Variants in SP140L observed in about 807,000 individuals in gnomAD.
The protein encoded by SP140L is nuclear body protein SP140-like protein.
SP140L carries 64 observed loss-of-function variants against 84.3 expected under a neutral mutation model. That is an observed-to-expected ratio of 0.76 (90% CI 0.62 to 0.94). SP140L has a LOEUF of 0.94. SP140L is among the 40% of genes least tolerant of loss of function. The pLI is 0.00. For missense variants in SP140L, 628 were observed against 692.5 expected (o/e 0.91, Z 1.05); for synonymous variants, 242 against 236.9 (o/e 1.02, Z -0.20).
chr2:230,369,623 AG>A (rs1575492428), intron 5 of SP140L, among the ~76,000 whole-genome samples: 1 of 152,292 alleles, frequency 6.6e-6, no homozygotes, highest in East Asian at 1.9e-4. Flanking sequence ...GGCTTTCTGG[AG>A]GGGGCTGCGG....
intron 11 of SP140L, 195 bp from the exon 12 acceptor site, chr2:230,391,892 C>T (rs1279575648): frequency 1.6e-6 from 1 of 628,828 alleles, no homozygotes; most frequent in Non-Finnish European, 2.7e-6. Context: ...ACATGTGCAC[C>T]CCCACCAGGA....
chr2:230,396,724 T>C (rs1030998825), intron 13 of SP140L, 33 bp from the exon 14 acceptor site: 4 of 1,609,402 alleles, frequency 2.5e-6, no homozygotes, highest in Non-Finnish European at 3.4e-6. Context: ...ATGCATTCAA[T>C]ATCATAAATC....
At chr2:230,374,257 A>T (rs2061174338) in intron 7 of SP140L, among the ~76,000 whole-genome samples, 1 of 151,622 alleles carries the variant, frequency 6.6e-6, no homozygotes, top group African/African-American at 2.4e-5. Context: ...CAGAGGTTGC[A>T]CTGAGCAGAG....
chr2:230,372,032 G>C (rs920901253), intron 7 of SP140L: 3 of 213,746 alleles, frequency 1.4e-5, no homozygotes, highest in Admixed American at 5.4e-5. Flanking sequence ...ATGGAAGAGG[G>C]AACCAAGGAA....
At chr2:230,369,947 T>C (rs374567549) in intron 5 of SP140L, among the ~76,000 whole-genome samples, 3 of 148,392 alleles carry the variant, frequency 2.0e-5, no homozygotes, top group African/African-American at 7.9e-5. Context: ...CTAATTTTTG[T>C]ATTTTTAGTA....
chr2:230,348,878 A>G (rs1024674989), intron 2 of SP140L, among the ~76,000 whole-genome samples: 1 of 152,218 alleles, frequency 6.6e-6, no homozygotes, highest in Non-Finnish European at 1.5e-5. Context: ...AATTTGGGGA[A>G]CCCAGTGAAA....
intron 2 of SP140L, among the ~76,000 whole-genome samples, chr2:230,346,448 C>T (rs1432487312): frequency 6.6e-6 from 1 of 152,138 alleles, no homozygotes; most frequent in African/African-American, 2.4e-5. Flanking sequence ...AGTTTTTAGT[C>T]ATTACTTCTT....
At chr2:230,351,893 C>T (rs776046075) in intron 2 of SP140L, among the ~76,000 whole-genome samples, 3 of 152,166 alleles carry the variant, frequency 2.0e-5, no homozygotes, top group South Asian at 4.1e-4. Flanking sequence ...GTGATCCACC[C>T]GCGCCAGCGT....
chr2:230,364,998 T>C (rs746693524), intron 5 of SP140L, among the ~76,000 whole-genome samples: 2 of 152,108 alleles, frequency 1.3e-5, no homozygotes, highest in Non-Finnish European at 2.9e-5. Flanking sequence ...TACTTGATCA[T>C]GGTGAGTGTG....
intron 7 of SP140L, among the ~76,000 whole-genome samples, chr2:230,379,150 G>A (rs1045995568): frequency 1.3e-5 from 2 of 151,968 alleles, no homozygotes; most frequent in Non-Finnish European, 2.9e-5. Context: ...TCTTGTAACA[G>A]CACTTAGCTT....
At chr2:230,376,543 T>C (rs955309602) in intron 7 of SP140L, among the ~76,000 whole-genome samples, 2 of 152,078 alleles carry the variant, frequency 1.3e-5, no homozygotes, top group African/African-American at 2.4e-5. Context: ...ATTTGCACAC[T>C]GACAACTATG....
intron 5 of SP140L, among the ~76,000 whole-genome samples, chr2:230,362,007 T>C (rs1160666084): frequency 1.3e-5 from 2 of 152,202 alleles, no homozygotes; most frequent in African/African-American, 2.4e-5. Flanking sequence ...GGGAGGTCAG[T>C]ATGAAGCTGT....
chr2:230,371,274 A>G (rs2061060340), intron 6 of SP140L, among the ~76,000 whole-genome samples: 1 of 152,230 alleles, frequency 6.6e-6, no homozygotes, highest in Admixed American at 6.5e-5. Flanking sequence ...TAACCCAGTG[A>G]ACTTCTGCTA....
At chr2:230,386,801 C>T (rs6713447) in intron 9 of SP140L, among the ~76,000 whole-genome samples, 41,565 of 152,052 alleles carry the variant, frequency 0.27, 6,130 homozygotes, top group Non-Finnish European at 0.32. Flanking sequence ...AAGATGTAAC[C>T]AGACAGAAAC....
At position 230,344,619 on chromosome 2, in the gene SP140L, C is replaced by T. The variant is rs139977822; in HGVS notation, c.108-13186C>T. Among the ~76,000 whole-genome samples, 59 of 152,202 alleles carry T rather than the reference C, an allele frequency of 3.9e-4. No homozygotes were observed. The East Asian group carries it at 4.4e-3, about 11-fold the overall frequency. On this transcript the variant is annotated intron_variant, in intron 2 of 18. Coordinates refer to ENST00000415673, the MANE Select transcript of SP140L (RefSeq NM_138402.6). ...ATGTGGTTGCTTCATAGTGTCACTGCGCTGTGTACTTCAGTGTGTTTTTGT... is the reference window on the plus strand; with the variant it reads ...ATGTGGTTGCTTCATAGTGTCACTGTGCTGTGTACTTCAGTGTGTTTTTGT...
At chr2:230,365,492 C>T (rs2060838750) in intron 5 of SP140L, among the ~76,000 whole-genome samples, 1 of 151,716 alleles carries the variant, frequency 6.6e-6, no homozygotes, top group Non-Finnish European at 1.5e-5. Context: ...AGCGTCTTCT[C>T]TTTTATTTCT....
intron 2 of SP140L, among the ~76,000 whole-genome samples, chr2:230,354,145 T>C (rs796763414): frequency 2.1e-4 from 32 of 152,298 alleles, no homozygotes; most frequent in African/African-American, 7.5e-4. Flanking sequence ...CTTTTTCCTC[T>C]TTTTCCTTAC....
chr2:230,348,156 C>T (rs561111627), intron 2 of SP140L, among the ~76,000 whole-genome samples: 2 of 152,314 alleles, frequency 1.3e-5, no homozygotes, highest in South Asian at 4.1e-4. Flanking sequence ...CTTTGCCAGC[C>T]TTGGGGAGGA....
chr2:230,327,488 C>T (rs764050555), intron 1 of SP140L, among the ~76,000 whole-genome samples, 187 bp downstream of exon 1: 5 of 152,184 alleles, frequency 3.3e-5, no homozygotes, highest in Non-Finnish European at 7.3e-5. Flanking sequence ...TGCAGCAGGA[C>T]AGCTGTTTGT....
Sources: allele counts gnomAD v4.1 joint callset (sites outside exome capture counted in the v4.1 genomes callset), GRCh38; gene constraint gnomAD v4.1.1; transcripts MANE v1.5; gene names NCBI Gene and HGNC (gene_info 2026-07-23, HGNC 2026-07-21).